CACNB2: variants seen among roughly 807,000 people sequenced by gnomAD.
The protein encoded by CACNB2 is calcium voltage-gated channel auxiliary subunit beta 2.
In CACNB2, 42 loss-of-function variants were observed where a neutral mutation model predicts 73.3. The ratio of observed to expected loss-of-function variants is 0.57; its 90% CI spans 0.45 to 0.74. The LOEUF (loss-of-function observed/expected upper bound fraction) is 0.74. Among genes scored for constraint, CACNB2 ranks in the 30% least tolerant of loss-of-function variants. The pLI, the probability that CACNB2 is intolerant of heterozygous loss-of-function variation, is 0.00. For missense variants in CACNB2, 940 were observed against 853.0 expected, an observed-to-expected ratio of 1.10 and a Z score of -1.27; for synonymous variants, 348 against 310.3, an observed-to-expected ratio of 1.12 and a Z score of -1.28.
At chr10:18,449,123 G>T (rs950767279) in intron 3 of CACNB2, among the ~76,000 whole-genome samples, 2 of 152,188 alleles carry the variant, frequency 1.3e-5, no homozygotes, top group Admixed American at 6.5e-5. Context: ...GGTGGCTCAC[G>T]CCTGTAATCC....
intron 3 of CACNB2, among the ~76,000 whole-genome samples, chr10:18,409,279 CA>C (rs1275848828): frequency 7.2e-6 from 1 of 138,210 alleles, no homozygotes; most frequent in African/African-American, 2.7e-5. Flanking sequence ...GCCTGGGCAA[CA>C]AGAGGGAAAC....
At chr10:18,414,390 A>G (rs2044816305) in intron 3 of CACNB2, among the ~76,000 whole-genome samples, 1 of 152,000 alleles carries the variant, frequency 6.6e-6, no homozygotes, top group African/African-American at 2.4e-5. Context: ...TATCTTGGCA[A>G]TCGACCTGTT....
chr10:18,141,016 GC>G, intron 1 of CACNB2, 160 bp downstream of exon 1: 1 of 1,533,766 alleles, frequency 6.5e-7, no homozygotes, highest in Non-Finnish European at 8.8e-7. Flanking sequence ...CGGGGACCCT[GC>G]CCCTTTGCGC....
chr10:18,338,738 CTTTTTTTTTT>C (rs553402190), intron 2 of CACNB2, among the ~76,000 whole-genome samples: 10 of 102,434 alleles, frequency 9.8e-5, no homozygotes, highest in African/African-American at 1.6e-4. Context: ...TCCTTCTTTC[CTTTTTTTTTT>C]TTTTTTTTTT....
chr10:18,277,536 A>G (rs1185313359), intron 2 of CACNB2, among the ~76,000 whole-genome samples: 1 of 152,250 alleles, frequency 6.6e-6, no homozygotes, highest in East Asian at 1.9e-4. Context: ...TGAGCGCTAA[A>G]TGTTAGCATA....
chr10:18,415,722 T>G (rs2044917562), intron 3 of CACNB2, among the ~76,000 whole-genome samples: 1 of 152,218 alleles, frequency 6.6e-6, no homozygotes, highest in East Asian at 1.9e-4. Flanking sequence ...ATTATTTTCA[T>G]TTTAAATCTC....
intron 2 of CACNB2, among the ~76,000 whole-genome samples, chr10:18,354,778 A>G (rs2041845273): frequency 6.7e-6 from 1 of 150,306 alleles, no homozygotes; most frequent in South Asian, 2.1e-4. Context: ...ATATCTGCAT[A>G]ATCTACACAG....
intron 2 of CACNB2, among the ~76,000 whole-genome samples, chr10:18,152,984 G>A (rs544174197): frequency 6.6e-6 from 1 of 152,214 alleles, no homozygotes; most frequent in East Asian, 1.9e-4. Context: ...TTTTCATAGA[G>A]TTTTAATAAC....
chr10:18,307,238 C>T (rs2039765865), intron 2 of CACNB2, among the ~76,000 whole-genome samples: 1 of 152,124 alleles, frequency 6.6e-6, no homozygotes, highest in African/African-American at 2.4e-5. Context: ...CCATGGCGGG[C>T]AGATCACGAG....
intron 2 of CACNB2, among the ~76,000 whole-genome samples, chr10:18,385,800 C>T (rs926895414): frequency 3.9e-5 from 6 of 151,948 alleles, no homozygotes; most frequent in Admixed American, 6.6e-5. Context: ...TAGCATGTAT[C>T]GCTAGAGATA....
intron 2 of CACNB2, among the ~76,000 whole-genome samples, chr10:18,378,673 C>T (rs777473500): frequency 2.0e-5 from 3 of 152,066 alleles, no homozygotes; most frequent in African/African-American, 4.8e-5. Flanking sequence ...ATCGGTTCAG[C>T]CCAGAAGGCC....
chr10:18,160,170 A>AT (rs2131086084), intron 2 of CACNB2, among the ~76,000 whole-genome samples: 2 of 139,716 alleles, frequency 1.4e-5, no homozygotes, highest in South Asian at 2.3e-4. Flanking sequence ...GTTGAACATA[A>AT]TTTTGGGGAG....
intron 2 of CACNB2, among the ~76,000 whole-genome samples, chr10:18,239,952 A>G (rs75503774): frequency 0.068 from 10,276 of 152,228 alleles, 394 homozygotes; most frequent in East Asian, 0.088. Flanking sequence ...TTGGATTCTC[A>G]TGTCTTCTCA....
chr10:18,512,238 C>A (rs1233775736), intron 6 of CACNB2, among the ~76,000 whole-genome samples: 1 of 152,196 alleles, frequency 6.6e-6, no homozygotes, highest in Non-Finnish European at 1.5e-5. Flanking sequence ...CCCTTCCACT[C>A]TGCCTCTTTT....
chr10:18,202,922 T>C (rs1009295580), intron 2 of CACNB2, among the ~76,000 whole-genome samples: 3 of 152,208 alleles, frequency 2.0e-5, no homozygotes, highest in African/African-American at 7.2e-5. Context: ...TTTCCTATTA[T>C]CTCTGTTGTT....
At chr10:18,500,602 A>G (rs2050140693) in intron 4 of CACNB2, among the ~76,000 whole-genome samples, 1 of 152,214 alleles carries the variant, frequency 6.6e-6, no homozygotes, top group African/African-American at 2.4e-5. Context: ...ACCAGGACAG[A>G]CAAGGAACGC....
chr10:18,499,613 CAAAGAAAAAA>C lies in CACNB2; in HGVS notation c.456+1140_456+1149del, dbSNP rs1337053312. On this transcript the variant is annotated intron_variant, in intron 4 of 13. Transcript: ENST00000324631. ...CTGGCGACAGAGTGAGATTCTGTCTCAAAGAAAAAAAAAAAAAAAAAAAAAAGAACCTAGA... is the reference window on the plus strand; with the variant it reads ...CTGGCGACAGAGTGAGATTCTGTCTCAAAAAAAAAAAAAAAAGAACCTAGA... Among the ~76,000 whole-genome samples the C allele has an allele frequency of 3.7e-4, 8 of 21,382 alleles. 1 individual carries two copies. Among genetic ancestry groups the C allele is most frequent in the South Asian group, 1.2e-3 (1 of 858 alleles). 14.0% of individuals were successfully genotyped at this position (21,382 alleles called of 152,430 possible). A position where few individuals can be genotyped will look rare whatever the true frequency, so the allele number is the denominator to read the frequency against.
intron 3 of CACNB2, among the ~76,000 whole-genome samples, chr10:18,485,824 C>T (rs570285704): frequency 6.6e-6 from 1 of 151,980 alleles, no homozygotes; most frequent in South Asian, 2.1e-4. Flanking sequence ...CTCAAGTGAT[C>T]TGCCCACCTC....
In CACNB2 at chr10:18,539,819, CATATGTGATCTGTCTTGTAAT is replaced by C; in HGVS notation, c.*98_*118del. 1 of 1,209,286 alleles carries C rather than the reference CATATGTGATCTGTCTTGTAAT, an allele frequency of 8.3e-7. No individual in the cohort carries two copies. The highest frequency in any genetic ancestry group is 1.2e-6 in the Non-Finnish European group (1 of 850,368). The allele number at this position is 1,209,286 out of a possible 1,614,324, so 74.9% of individuals were successfully genotyped here. A position where few individuals can be genotyped will look rare whatever the true frequency, so the allele number is the denominator to read the frequency against. On this transcript the variant is annotated 3_prime_UTR_variant, in exon 14 of 14. Coordinates refer to ENST00000324631, the MANE Select transcript of CACNB2 (RefSeq NM_201596.3). Reference sequence around the variant, plus strand: ...AAGTCTTTGGGGTCTACACTGCAATCATATGTGATCTGTCTTGTAATATTTTGTATTATTGCTGTTGCTTGA... The same window carrying C: ...AAGTCTTTGGGGTCTACACTGCAATCATTTTGTATTATTGCTGTTGCTTGA...
Sources: gnomAD v4.1 joint callset for allele counts (sites outside exome capture counted in the v4.1 genomes callset) on GRCh38, gnomAD v4.1.1 for gene constraint, MANE v1.5 for transcripts, NCBI Gene and HGNC (gene_info 2026-07-23, HGNC 2026-07-21) for gene names.